ARHGEF7: variants seen among roughly 807,000 people sequenced by gnomAD.
ARHGEF7 encodes PAK-interacting exchange factor beta.
A neutral mutation model predicts 109.8 loss-of-function variants in ARHGEF7; 33 were observed. The observed-to-expected ratio is 0.30, with a 90% confidence interval of 0.23 to 0.40. The LOEUF (loss-of-function observed/expected upper bound fraction) is 0.40, where lower values mean the gene tolerates loss of function less well. ARHGEF7 is among the 10% of genes least tolerant of loss of function. The probability of loss-of-function intolerance (pLI) is 1.00; values close to 1 mark genes in which losing one functional copy is unlikely to be tolerated. For missense variants in ARHGEF7, 938 were observed against 1,098.5 expected, an observed-to-expected ratio of 0.85 and a Z score of 2.07; for synonymous variants, 458 against 424.6, an observed-to-expected ratio of 1.08 and a Z score of -0.97.
chr13:111,164,633 G>A (rs1448440049), intron 2 of ARHGEF7, among the ~76,000 whole-genome samples: 1 of 152,218 alleles, frequency 6.6e-6, no homozygotes, highest in East Asian at 1.9e-4. Context: ...TTAGAGGTCT[G>A]TGATCAATAA....
intron 19 of ARHGEF7, chr13:111,292,907 G>T (rs966804454): frequency 1.0e-6 from 1 of 987,136 alleles, no homozygotes; most frequent in Admixed American, 6.0e-5. Flanking sequence ...GCACAGACGG[G>T]CGGGCGTCAC....
At chr13:111,278,625 T>C (rs1164332187) in intron 13 of ARHGEF7, among the ~76,000 whole-genome samples, 1 of 152,218 alleles carries the variant, frequency 6.6e-6, no homozygotes, top group Non-Finnish European at 1.5e-5. Context: ...AGGCTGTAGT[T>C]TGTTAGGCCA....
chr13:111,183,775 G>C (rs141084829), intron 2 of ARHGEF7, among the ~76,000 whole-genome samples: 135 of 152,084 alleles, frequency 8.9e-4, no homozygotes, highest in African/African-American at 3.2e-3. Context: ...AATTGTACCG[G>C]TTTTATAATT....
At chr13:111,179,911 C>G (rs944367170) in intron 2 of ARHGEF7, among the ~76,000 whole-genome samples, 3 of 152,204 alleles carry the variant, frequency 2.0e-5, no homozygotes, top group Admixed American at 6.5e-5. Context: ...TCCGTCACTG[C>G]TGGTGCCACA....
chr13:111,270,830 A>G (rs1010916692), intron 9 of ARHGEF7, among the ~76,000 whole-genome samples: 7 of 152,190 alleles, frequency 4.6e-5, no homozygotes, highest in Admixed American at 3.9e-4. Flanking sequence ...CACCTAGAGA[A>G]TTGTTGGTAA....
intron 3 of ARHGEF7, among the ~76,000 whole-genome samples, chr13:111,206,962 AAAAAAAAAAAAAAG>A (rs1425954648): frequency 7.6e-6 from 1 of 131,908 alleles, no homozygotes; most frequent in Admixed American, 7.4e-5. Flanking sequence ...ACTCCATCTA[AAAAAAAAAAAAAAG>A]AAAAAGAAAA....
At chr13:111,141,036 C>T (rs2075320727) in intron 1 of ARHGEF7, among the ~76,000 whole-genome samples, 3 of 152,140 alleles carry the variant, frequency 2.0e-5, no homozygotes, top group Admixed American at 2.0e-4. Context: ...AAGAACTGAG[C>T]AAAAAGTACT....
intron 1 of ARHGEF7, among the ~76,000 whole-genome samples, chr13:111,125,327 C>T (rs2067485245): frequency 6.8e-6 from 1 of 147,386 alleles, no homozygotes; most frequent in Non-Finnish European, 1.5e-5. Context: ...TTGAAATGTT[C>T]TTTTTTTTCT....
rs945610092 is a variant in ARHGEF7, at chr13:111,304,985, T to C, written c.*1872T>C. ...CAGGTTTTAACTCAGGAACAACTCT[T>C]GTCTGATCTCTCCGCCCCTCTGCCG... On this transcript the variant is annotated 3_prime_UTR_variant, in exon 22 of 22. Coordinates refer to ENST00000646102, the MANE Select transcript of ARHGEF7 (RefSeq NM_001354046.2). 1.3e-5 allele frequency: 2 copies of C among 152,262 alleles called. No individual in the cohort carries two copies. Among genetic ancestry groups the C allele is most frequent in the Non-Finnish European group, 2.9e-5 (2 of 68,054 alleles). 9.4% of individuals were successfully genotyped at this position (152,262 alleles called of 1,614,324 possible). A position where few individuals can be genotyped will look rare whatever the true frequency, so the allele number is the denominator to read the frequency against.
At chr13:111,231,774 C>T (rs891601485) in intron 5 of ARHGEF7, among the ~76,000 whole-genome samples, 6 of 152,102 alleles carry the variant, frequency 3.9e-5, no homozygotes, top group Non-Finnish European at 7.4e-5. Context: ...AGGTGCTGCT[C>T]ACACACCAGA....
intron 2 of ARHGEF7, among the ~76,000 whole-genome samples, chr13:111,194,082 G>A (rs1452140042): frequency 6.6e-6 from 1 of 152,118 alleles, no homozygotes; most frequent in African/African-American, 2.4e-5. Context: ...ACGCTAAGAC[G>A]GCCACCGCCG....
At chr13:111,297,605 C>T (rs542368131) in intron 19 of ARHGEF7, among the ~76,000 whole-genome samples, 4 of 152,248 alleles carry the variant, frequency 2.6e-5, no homozygotes, top group Non-Finnish European at 4.4e-5. Flanking sequence ...TTAGTTTTGC[C>T]GTGCTTTGTA....
intron 4 of ARHGEF7, 74 bp from the exon 5 acceptor site, chr13:111,217,605 A>G (rs868083558): frequency 7.3e-7 from 1 of 1,368,320 alleles, no homozygotes; most frequent in Non-Finnish European, 1.0e-6. Context: ...TTGTACTAGT[A>G]AAGTATAATC....
rs1214502458 is a variant in ARHGEF7 at position 111,280,160 on chromosome 13, AAC to A, written c.1507-108_1507-107del. The stretch of plus-strand genomic sequence containing the variant: ...ACAAATGAGCTTTTTTTGGTTCACA[AAC>A]ACAGTTCCTCCACCAATTCTAAAAT... On this transcript the variant is annotated intron_variant, in intron 13 of 21. Transcript: ENST00000646102. The A allele has an allele frequency of 8.6e-6, 10 of 1,163,618 alleles. No individual in the cohort carries two copies. In the Admixed American group the frequency reaches 1.1e-4, roughly 13 times the overall value. 72.1% of individuals were successfully genotyped at this position (1,163,618 alleles called of 1,614,324 possible).
At chr13:111,124,804 A>G (rs1280912216) in intron 1 of ARHGEF7, among the ~76,000 whole-genome samples, 3 of 152,050 alleles carry the variant, frequency 2.0e-5, no homozygotes, top group Non-Finnish European at 4.4e-5. Context: ...CTGTCACCCA[A>G]GCTGGAGTCC....
intron 3 of ARHGEF7, among the ~76,000 whole-genome samples, chr13:111,208,780 AG>A (rs1408799661): frequency 2.0e-5 from 3 of 152,086 alleles, no homozygotes; most frequent in Non-Finnish European, 4.4e-5. Context: ...GGGTGACCTG[AG>A]AAGAATTTAA....
At chr13:111,177,241 CG>C (rs2153424278) in intron 2 of ARHGEF7, among the ~76,000 whole-genome samples, 2 of 152,286 alleles carry the variant, frequency 1.3e-5, no homozygotes, top group East Asian at 3.9e-4. Flanking sequence ...GCATTGTGGC[CG>C]GGGCTGAGGC....
chr13:111,210,408 C>T (rs1448978806), intron 4 of ARHGEF7, among the ~76,000 whole-genome samples: 1 of 152,194 alleles, frequency 6.6e-6, no homozygotes, highest in Non-Finnish European at 1.5e-5. Flanking sequence ...AGAATCTGGC[C>T]TTTCTTCTCT....
intron 3 of ARHGEF7, among the ~76,000 whole-genome samples, chr13:111,206,380 G>A (rs1381850434): frequency 6.6e-6 from 1 of 152,100 alleles, no homozygotes; most frequent in African/African-American, 2.4e-5. Flanking sequence ...TGCTCTGACT[G>A]CTGTCTGGAA....
Sources: gnomAD v4.1 joint callset for allele counts (sites outside exome capture counted in the v4.1 genomes callset) on GRCh38, gnomAD v4.1.1 for gene constraint, MANE v1.5 for transcripts, NCBI Gene and HGNC (gene_info 2026-07-23, HGNC 2026-07-21) for gene names.